The following IGSF9 variants were observed in gnomAD, a reference collection of about 807,000 sequenced individuals.
IGSF9 encodes immunoglobulin superfamily member 9, also known as protein turtle homolog A.
In IGSF9, 87 loss-of-function variants were observed where a neutral mutation model predicts 121.7. That is an observed-to-expected ratio of 0.71 (90% CI 0.60 to 0.85). The LOEUF is 0.85. Ranked by LOEUF, IGSF9 falls within the 40% of genes least tolerant of loss-of-function variation. IGSF9 has a pLI of 0.00. For synonymous variants in IGSF9, 640 were observed against 648.4 expected, an observed-to-expected ratio of 0.99 and a Z score of 0.20; for missense variants, 1,462 against 1,565.3, an observed-to-expected ratio of 0.93 and a Z score of 1.11.
chr1:159,936,814 CA>C lies in IGSF9; in HGVS notation c.494del (p.Leu165ArgfsTer4), dbSNP rs1261327048. On this transcript the variant is annotated frameshift_variant, in exon 5 of 21. Transcript: ENST00000368094. LOFTEE classifies it high-confidence loss of function. ...TLRCVARGSP[L>X]PHVTWKLRGK... ...CTCGGAGCTTCCACGTCACATGAGG[CA>C]GGGGGCTGCCACGGGCCACACAACG... 2 of 1,614,110 alleles carry C rather than the reference CA, an allele frequency of 1.2e-6. No homozygotes were observed. The highest frequency in any genetic ancestry group is 1.7e-6 in the Non-Finnish European group (2 of 1,180,038).
intron 3 of IGSF9, 21 bp downstream of exon 3, chr1:159,942,942 C>G: frequency 6.2e-7 from 1 of 1,604,616 alleles, no homozygotes; most frequent in Admixed American, 1.7e-5. Context: ...TCCCTACCTC[C>G]CACCTGAGGA....
Position 159,931,696 on chromosome 1 carries a change from C to T in IGSF9, c.1363-93G>A, listed in dbSNP as rs1651006078. 2 of 1,528,328 alleles carry T rather than the reference C, an allele frequency of 1.3e-6. No individual in the cohort carries two copies. Among genetic ancestry groups the T allele is most frequent in the Non-Finnish European group, 8.9e-7 (1 of 1,122,242 alleles). The allele number at this position is 1,528,328 out of a possible 1,614,324, so 94.7% of individuals were successfully genotyped here. A position where few individuals can be genotyped will look rare whatever the true frequency, so the allele number is the denominator to read the frequency against. On this transcript the variant is annotated intron_variant, in intron 11 of 20. Coordinates refer to ENST00000368094, the MANE Select transcript of IGSF9 (RefSeq NM_001135050.2). The surrounding 1 kb of genome is among the most constrained non-coding windows in gnomAD (Gnocchi z 4.8). ...TCCAGGCAGCTCCAGTTCCTCCCCACCCTGCCTCTGACAGCCTTCTCCTTC... is the reference window on the plus strand; with the variant it reads ...TCCAGGCAGCTCCAGTTCCTCCCCATCCTGCCTCTGACAGCCTTCTCCTTC...
intron 3 of IGSF9, 27 bp downstream of exon 3, chr1:159,942,936 T>A: frequency 2.5e-6 from 4 of 1,601,092 alleles, no homozygotes; most frequent in Non-Finnish European, 3.4e-6. Flanking sequence ...GATACCTCCC[T>A]ACCTCCCACC....
chr1:159,934,869 C>G, intron 6 of IGSF9, 47 bp from the exon 7 acceptor site: 1 of 1,610,322 alleles, frequency 6.2e-7, no homozygotes, highest in African/African-American at 1.3e-5. Flanking sequence ...CCACAGTCTT[C>G]CCAGAACCCT....
Position 159,931,485 on chromosome 1 carries a change from C to T in IGSF9, c.1481G>A (p.Arg494Gln), listed in dbSNP as rs765083802. 21 of 1,613,942 alleles carry T rather than the reference C, an allele frequency of 1.3e-5. No individual in the cohort carries two copies. Among genetic ancestry groups the T allele is most frequent in the Admixed American group, 5.0e-5 (3 of 60,002 alleles). The change falls in exon 12 of 21, where the codon CGA becomes CAA. Residue 494 changes from arginine to glutamine, a missense_variant. Arg to Gln is a conservative substitution (Grantham distance 43). Around this residue, in one of 3 missense-constraint regions of IGSF9, gnomAD observed 96 missense variants for 150.7 expected, o/e 0.64. Transcript: ENST00000368094. The surrounding 1 kb of genome is among the most constrained non-coding windows in gnomAD (Gnocchi z 4.8). The part of the protein sequence containing the change: ...WECSASNAVA[R>Q]VATSTNVYVL... ...GTAGACGTTCGTGGAGGTGGCCACT[C>T]GGGCCACAGCATTGCTGGCACTGCA...
At chr1:159,942,550 G>C (rs1651420956) in intron 3 of IGSF9, among the ~76,000 whole-genome samples, 1 of 152,186 alleles carries the variant, frequency 6.6e-6, no homozygotes, top group African/African-American at 2.4e-5. Flanking sequence ...GCAGAGGAGT[G>C]AGCAGATAGT....
Position 159,930,787 on chromosome 1 carries a change from C to A in IGSF9, c.1718G>T (p.Gly573Val). 1 of 1,614,104 alleles carries A rather than the reference C, an allele frequency of 6.2e-7. No individual in the cohort carries two copies. Among genetic ancestry groups the A allele is most frequent in the Non-Finnish European group, 8.5e-7 (1 of 1,179,986 alleles). ...PVGAAHLLVPGLQPHTQYQFS... is the reference protein window; with the variant it reads ...PVGAAHLLVPVLQPHTQYQFS... The stretch of plus-strand genomic sequence containing the variant: ...CTGGTACTGGGTGTGGGGCTGCAGC[C>A]CTGGCACTAGGAGGTGAGCAGCCCC... Residue 573 changes from glycine (G) to valine (V), a missense_variant, in exon 14 of 21, where the codon GGG becomes GTG. Physicochemically the swap from Gly to Val is moderately radical, Grantham distance 109. Transcript: ENST00000368094.
Position 159,931,956 on chromosome 1 carries a change from G to A in IGSF9, c.1246-28C>T, listed in dbSNP as rs756218039. ...GCAAGCCAGATCTGGCATTGGGAGG[G>A]GCCCTCTCTTACATCTAAGGCTGGC... On this transcript the variant is annotated intron_variant, in intron 10 of 20. Transcript: ENST00000368094. The surrounding 1 kb of genome is among the most constrained non-coding windows in gnomAD (Gnocchi z 4.8). The A allele has an allele frequency of 4.8e-6, 7 of 1,443,816 alleles. No homozygotes were observed. In the African/African-American group the frequency reaches 7.2e-5, roughly 15 times the overall value. 89.4% of individuals were successfully genotyped at this position (1,443,816 alleles called of 1,614,324 possible). A position where few individuals can be genotyped will look rare whatever the true frequency, so the allele number is the denominator to read the frequency against.
At position 159,932,664 on chromosome 1, in the gene IGSF9, A is replaced by C; in HGVS notation, c.1105-12T>G. 6.2e-7 allele frequency: 1 copy of C among 1,606,282 alleles called. No individual in the cohort carries two copies. Among genetic ancestry groups the C allele is most frequent in the South Asian group, 1.1e-5 (1 of 90,280 alleles). ...GACCAGCCAGGGAACTGGAAGGAAG[A>C]GAAGATGACAGCTAGAGAGAGGAGC... On this transcript the variant is annotated splice_polypyrimidine_tract_variant and intron_variant, in intron 9 of 20. Coordinates refer to ENST00000368094, the MANE Select transcript of IGSF9 (RefSeq NM_001135050.2). The surrounding 1 kb of genome is among the most constrained non-coding windows in gnomAD (Gnocchi z 4.1).
At position 159,927,745 on chromosome 1, in the gene IGSF9, G is replaced by C. The variant is rs115464963; in HGVS notation, c.3358+15C>G. 29 of 1,609,124 alleles carry C rather than the reference G, an allele frequency of 1.8e-5. No individual in the cohort carries two copies. The highest frequency in any genetic ancestry group is 2.3e-5 in the Non-Finnish European group (27 of 1,178,222). ...GTATGGCCGAGATGCCTGCCTTTCCGGGGGGCTCACACACCTAGCTCTGGC... is the reference window on the plus strand; with the variant it reads ...GTATGGCCGAGATGCCTGCCTTTCCCGGGGGCTCACACACCTAGCTCTGGC... On this transcript the variant is annotated intron_variant, in intron 20 of 20. Coordinates refer to ENST00000368094, the MANE Select transcript of IGSF9 (RefSeq NM_001135050.2).
rs1571213136 is a variant in IGSF9 at position 159,931,066 on chromosome 1, C to G, written c.1637+72G>C. The G allele has an allele frequency of 6.2e-7, 1 of 1,603,104 alleles. No individual in the cohort carries two copies. Among genetic ancestry groups the G allele is most frequent in the East Asian group, 2.2e-5 (1 of 44,794 alleles). On this transcript the variant is annotated intron_variant, in intron 13 of 20. Coordinates refer to ENST00000368094, the MANE Select transcript of IGSF9 (RefSeq NM_001135050.2). This position sits in a 1 kb window ranked among gnomAD's most constrained non-coding sequence, Gnocchi z 4.8. Reference sequence around the variant, plus strand: ...GAGGGACAGAAGAAAGGGCAGAAGGCCAGATAGGTTCAAGGAGGAGAGGAA... The same window carrying G: ...GAGGGACAGAAGAAAGGGCAGAAGGGCAGATAGGTTCAAGGAGGAGAGGAA...
Position 159,931,665 on chromosome 1 carries a change from C to A in IGSF9, c.1363-62G>T. 1 of 1,583,418 alleles carries A rather than the reference C, an allele frequency of 6.3e-7. No homozygotes were observed. On this transcript the variant is annotated intron_variant, in intron 11 of 20. Coordinates refer to ENST00000368094, the MANE Select transcript of IGSF9 (RefSeq NM_001135050.2). This position sits in a 1 kb window ranked among gnomAD's most constrained non-coding sequence, Gnocchi z 4.8. ...GCCACCCCTCACCAAAGGCGCCCCT[C>A]ATCTCTCCAGGCAGCTCCAGTTCCT...
chr1:159,943,546 G>A lies in IGSF9; in HGVS notation c.-92C>T, dbSNP rs1651481434. On this transcript the variant is annotated 5_prime_UTR_variant, in exon 2 of 21. Transcript: ENST00000368094. ...GTCCTTCTGATCAGCTCAGGGAACA[G>A]GTTTCAGCTCTCACTCTTCTGTACA... 1.6e-6 allele frequency: 2 copies of A among 1,255,092 alleles called. No individual in the cohort carries two copies. The highest frequency in any genetic ancestry group is 3.2e-5 in the Admixed American group (1 of 31,422). The allele number at this position is 1,255,092 out of a possible 1,614,324, so 77.7% of individuals were successfully genotyped here.
At chr1:159,944,284 A>C (rs749685633) in intron 1 of IGSF9, among the ~76,000 whole-genome samples, 2 of 152,072 alleles carry the variant, frequency 1.3e-5, no homozygotes, top group Non-Finnish European at 2.9e-5. Flanking sequence ...TTCTCCATTC[A>C]GTCTCCCTAC....
chr1:159,943,431 G>A lies in IGSF9; in HGVS notation c.24C>T (p.Ala8=), dbSNP rs151312318. 1.2e-5 allele frequency: 19 copies of A among 1,588,092 alleles called. No individual in the cohort carries two copies. In the African/African-American group the frequency reaches 1.5e-4, roughly 12 times the overall value. ...CCTGGCTGATGACCAGGCTGAGGAC[G>A]GCCAGGCCGAGGCACCACACCATAG... MVWCLGL[A]VLSLVISQGA... Residue 8 remains alanine (A), a synonymous_variant, in exon 2 of 21, where the codon GCC becomes GCT. Transcript: ENST00000368094.
At position 159,943,634 on chromosome 1, in the gene IGSF9, T is replaced by C; in HGVS notation, c.-174-6A>G. 2.0e-6 allele frequency: 1 copy of C among 494,746 alleles called. No individual in the cohort carries two copies. The highest frequency in any genetic ancestry group is 4.8e-5 in the South Asian group (1 of 20,722). The allele number at this position is 494,746 out of a possible 1,614,324, so 30.6% of individuals were successfully genotyped here. ...TCTCCGGAGAACCACCAGATCTAAA[T>C]GAAAAGTACAAGGCAACATGCAGAG... On this transcript the variant is annotated splice_region_variant and splice_polypyrimidine_tract_variant and intron_variant, in intron 1 of 20. Transcript: ENST00000368094.
chr1:159,929,404 A>G lies in IGSF9; in HGVS notation c.2327-11T>C. 6.2e-7 allele frequency: 1 copy of G among 1,614,092 alleles called. No homozygotes were observed. Among genetic ancestry groups the G allele is most frequent in the Non-Finnish European group, 8.5e-7 (1 of 1,179,942 alleles). Reference sequence around the variant, plus strand: ...AGATAAGAGGTGGATCTGGAAGGGCATGAGAATAGTAGGTGACACAGGCAA... The same window carrying G: ...AGATAAGAGGTGGATCTGGAAGGGCGTGAGAATAGTAGGTGACACAGGCAA... On this transcript the variant is annotated splice_polypyrimidine_tract_variant and intron_variant, in intron 17 of 20. Coordinates refer to ENST00000368094, the MANE Select transcript of IGSF9 (RefSeq NM_001135050.2).
intron 7 of IGSF9, 48 bp from the exon 8 acceptor site, chr1:159,934,618 G>A: frequency 4.3e-6 from 7 of 1,613,330 alleles, no homozygotes; most frequent in Admixed American, 3.3e-5. Flanking sequence ...GCCCAGCCAA[G>A]CGGCTCTTCA....
In IGSF9 at chr1:159,932,418, C is replaced by A; in HGVS notation, c.1245+94G>T. ...AACTTGGAAACCCCTCCCCATGTGT[C>A]TGCCCCACCCCACCCCCATCAGCCT... is the stretch of plus-strand genomic sequence containing the variant. On this transcript the variant is annotated intron_variant, in intron 10 of 20. Coordinates refer to ENST00000368094, the MANE Select transcript of IGSF9 (RefSeq NM_001135050.2). The surrounding 1 kb of genome is among the most constrained non-coding windows in gnomAD (Gnocchi z 4.1). 5 of 801,924 alleles carry A rather than the reference C, an allele frequency of 6.2e-6. No homozygotes were observed. Among genetic ancestry groups the A allele is most frequent in the Non-Finnish European group, 1.0e-5 (5 of 502,474 alleles). 49.7% of individuals were successfully genotyped at this position (801,924 alleles called of 1,614,324 possible).
Sources: gnomAD v4.1 joint callset for allele counts (sites outside exome capture counted in the v4.1 genomes callset) on GRCh38, gnomAD v4.1.1 for gene constraint, gnomAD v4.1.1 regional missense constraint, Gnocchi (gnomAD v3.1) non-coding constraint, MANE v1.5 for transcripts, NCBI Gene and HGNC (gene_info 2026-07-23, HGNC 2026-07-21) for gene names.